CIMAP2: variants seen among roughly 807,000 people sequenced by gnomAD.
CIMAP2 encodes the protein ciliary microtubule-associated protein 2.
chr1:54,810,143 G>A, the CIMAP2 span, among the ~76,000 whole-genome samples: 1 of 152,122 alleles, frequency 6.6e-6, no homozygotes, highest in East Asian at 1.9e-4. Context: ...CTCACCCTTG[G>A]TATAACCCTC....
At chr1:54,841,160 G>C in the CIMAP2 span, among the ~76,000 whole-genome samples, 1 of 152,228 alleles carries the variant, frequency 6.6e-6, no homozygotes, top group Non-Finnish European at 1.5e-5. Context: ...TAATGATCTA[G>C]GCATAGGGGA....
the CIMAP2 span, chr1:54,812,259 C>G: frequency 7.6e-6 from 12 of 1,584,686 alleles, no homozygotes; most frequent in Admixed American, 1.5e-4. Flanking sequence ...TAGTCAGCAC[C>G]AGGAACACCA....
At chr1:54,814,856 G>A in the CIMAP2 span, 2 of 1,609,396 alleles carry the variant, frequency 1.2e-6, no homozygotes, top group African/African-American at 1.3e-5. Flanking sequence ...CCTGCCCTGG[G>A]CCCAGGCTGA....
At chr1:54,815,048 G>A in the CIMAP2 span, 1 of 1,614,030 alleles carries the variant, frequency 6.2e-7, no homozygotes, top group African/African-American at 1.3e-5. Flanking sequence ...GGGTAAGTGG[G>A]TCTGGGGTGA....
chr1:54,806,469 AG>A, the CIMAP2 span, among the ~76,000 whole-genome samples: 7 of 152,154 alleles, frequency 4.6e-5, no homozygotes, highest in African/African-American at 1.7e-4. Flanking sequence ...AACCATTTCA[AG>A]AGCACTTACT....
chr1:54,820,957 C>CG, the CIMAP2 span, among the ~76,000 whole-genome samples: 39 of 152,074 alleles, frequency 2.6e-4, no homozygotes, highest in African/African-American at 8.9e-4. Flanking sequence ...TTAGTAGAGA[C>CG]GGGGTTTCAC....
At chr1:54,814,784 A>C in the CIMAP2 span, 386 of 1,339,154 alleles carry the variant, frequency 2.9e-4, 1 homozygote, top group Middle Eastern at 1.6e-3. Flanking sequence ...GGGTACCTCC[A>C]CCGTCCTTGG....
At chr1:54,817,118 A>T in the CIMAP2 span, 2 of 1,613,976 alleles carry the variant, frequency 1.2e-6, no homozygotes, top group Non-Finnish European at 1.7e-6. Context: ...GGACATGCTC[A>T]TGCAGTGAGT....
At chr1:54,813,053 G>A in the CIMAP2 span, among the ~76,000 whole-genome samples, 6 of 152,242 alleles carry the variant, frequency 3.9e-5, no homozygotes, top group Non-Finnish European at 8.8e-5. Flanking sequence ...CTATGGCAGG[G>A]GTCAAGGGAC....
the CIMAP2 span, among the ~76,000 whole-genome samples, chr1:54,819,275 C>A: frequency 1.3e-5 from 2 of 152,172 alleles, no homozygotes; most frequent in South Asian, 2.1e-4. Context: ...CATTGTGGGA[C>A]CTGTCTGCCT....
At chr1:54,811,765 G>GCCGGGGGGGGGGGGGGGGGGCCCCCCC in the CIMAP2 span, 2 of 1,301,326 alleles carry the variant, frequency 1.5e-6, no homozygotes, top group Non-Finnish European at 1.1e-6. Context: ...GGTTCTGACA[G>GCCGGGGGGGGGGGGGGGGGGCCCCCCC]CCTCCATGCC....
the CIMAP2 span, among the ~76,000 whole-genome samples, chr1:54,826,668 G>T: frequency 6.6e-6 from 1 of 152,202 alleles, no homozygotes; most frequent in South Asian, 2.1e-4. Flanking sequence ...GCTCTCCTGT[G>T]GGTAGGATTG....
At chr1:54,823,184 A>G in the CIMAP2 span, among the ~76,000 whole-genome samples, 1 of 152,128 alleles carries the variant, frequency 6.6e-6, no homozygotes, top group Non-Finnish European at 1.5e-5. Context: ...TACAACTATT[A>G]TTGTATTGAA....
the CIMAP2 span, among the ~76,000 whole-genome samples, chr1:54,821,196 A>G: frequency 1.5e-5 from 2 of 136,172 alleles, no homozygotes; most frequent in African/African-American, 5.6e-5. Context: ...TCTTCACTCT[A>G]TTGATTCTTT....
the CIMAP2 span, among the ~76,000 whole-genome samples, chr1:54,817,808 G>T: frequency 5.3e-5 from 8 of 151,882 alleles, no homozygotes; most frequent in Non-Finnish European, 1.0e-4. Flanking sequence ...GCTTTTAAAT[G>T]TAATTTTAAA....
At chr1:54,816,635 G>A in the CIMAP2 span, among the ~76,000 whole-genome samples, 2 of 152,152 alleles carry the variant, frequency 1.3e-5, no homozygotes, top group East Asian at 1.9e-4. Context: ...GTGGTGGCCA[G>A]CAATCCTTGA....
chr1:54,806,115 C>CG, the CIMAP2 span: 1 of 1,532,298 alleles, frequency 6.5e-7, no homozygotes, highest in East Asian at 2.4e-5. Context: ...CGCAGGCCTG[C>CG]CATGAGGGAA....
chr1:54,825,241 C>T, the CIMAP2 span, among the ~76,000 whole-genome samples: 3 of 151,246 alleles, frequency 2.0e-5, no homozygotes, highest in African/African-American at 4.9e-5. Context: ...TTAGTAGAGA[C>T]GGGGTTTCAC....
the CIMAP2 span, among the ~76,000 whole-genome samples, chr1:54,818,137 G>A: frequency 6.6e-6 from 1 of 152,170 alleles, no homozygotes; most frequent in Non-Finnish European, 1.5e-5. Flanking sequence ...CTTCCTGGAA[G>A]CTTTCAGGAT....
Sources: gnomAD v4.1 joint callset for allele counts (sites outside exome capture counted in the v4.1 genomes callset) on GRCh38, gnomAD v4.1.1 for gene constraint, MANE v1.5 for transcripts, NCBI Gene and HGNC (gene_info 2026-07-23, HGNC 2026-07-21) for gene names.